DLG2: variants seen among roughly 807,000 people sequenced by gnomAD.
The protein encoded by DLG2 is disks large homolog 2.
In DLG2, 45 loss-of-function variants were observed where a neutral mutation model predicts 132.5. The ratio of observed to expected loss-of-function variants is 0.34; its 90% CI spans 0.27 to 0.44. DLG2 has a LOEUF of 0.44. DLG2 is among the 20% of genes least tolerant of loss of function. The probability of loss-of-function intolerance (pLI) is 1.00; values close to 1 mark genes in which losing one functional copy is unlikely to be tolerated. For missense variants in DLG2, 1,045 were observed against 1,196.9 expected (o/e 0.87, Z 1.87); for synonymous variants, 424 against 419.6 (o/e 1.01, Z -0.13).
At position 83,492,443 on chromosome 11, in the gene DLG2, G is replaced by A. The variant is rs190873786; in HGVS notation, c.2194-8215C>T. ...CCTCTCCCTCCCTCCCCAGCTAGGA[G>A]CCTTCCCTGTCTCCAGCTTGAAACT... is the stretch of plus-strand genomic sequence containing the variant. On this transcript the variant is annotated intron_variant, in intron 21 of 27. Transcript: ENST00000376104. Among the ~76,000 whole-genome samples, 148 of 152,018 alleles carry A rather than the reference G, an allele frequency of 9.7e-4. 1 individual carries two copies. The highest frequency in any genetic ancestry group is 3.4e-3 in the African/African-American group (142 of 41,456).
chr11:83,574,413 T>C (rs1468595873), intron 19 of DLG2, among the ~76,000 whole-genome samples: 2 of 152,206 alleles, frequency 1.3e-5, no homozygotes, highest in African/African-American at 4.8e-5. Flanking sequence ...ATATTGCATA[T>C]AAGACAGTAT....
At chr11:85,130,730 G>A (rs1225746717) in intron 5 of DLG2, among the ~76,000 whole-genome samples, 2 of 152,148 alleles carry the variant, frequency 1.3e-5, no homozygotes, top group African/African-American at 2.4e-5. Context: ...TTTCCAAATT[G>A]TGGGCAAGTT....
chr11:85,544,959 T>C (rs748923613), intron 3 of DLG2, among the ~76,000 whole-genome samples: 4 of 152,240 alleles, frequency 2.6e-5, no homozygotes, highest in Non-Finnish European at 5.9e-5. Context: ...ACTTCCTCTT[T>C]TCCTAATTGA....
chr11:84,330,311 G>A (rs2098452805), intron 7 of DLG2, among the ~76,000 whole-genome samples: 1 of 152,072 alleles, frequency 6.6e-6, no homozygotes, highest in Admixed American at 6.6e-5. Flanking sequence ...CTGCTTCTGG[G>A]CTAGTTGCTA....
chr11:85,318,687 T>C (rs1386694427), intron 3 of DLG2, among the ~76,000 whole-genome samples: 3 of 151,684 alleles, frequency 2.0e-5, no homozygotes, highest in Admixed American at 1.3e-4. Flanking sequence ...AAGAAAGATT[T>C]CTAAGAAAAA....
chr11:85,546,460 T>C (rs1317617261), intron 3 of DLG2, among the ~76,000 whole-genome samples: 1 of 152,218 alleles, frequency 6.6e-6, no homozygotes, highest in Non-Finnish European at 1.5e-5. Context: ...GAGAAGAATG[T>C]ATATTCTGTT....
intron 4 of DLG2, among the ~76,000 whole-genome samples, chr11:85,202,437 T>A (rs2081541070): frequency 6.6e-6 from 1 of 152,068 alleles, no homozygotes. Flanking sequence ...AACTGCGATA[T>A]AATAGCATTA....
intron 6 of DLG2, among the ~76,000 whole-genome samples, chr11:84,657,384 T>C (rs926381706): frequency 6.6e-6 from 1 of 152,112 alleles, no homozygotes; most frequent in Non-Finnish European, 1.5e-5. Context: ...GCCATAGCCA[T>C]GGGACTGGCA....
At chr11:84,576,761 A>T (rs867606420) in intron 6 of DLG2, among the ~76,000 whole-genome samples, 3 of 152,232 alleles carry the variant, frequency 2.0e-5, no homozygotes, top group Non-Finnish European at 4.4e-5. Context: ...TGCAAATGAC[A>T]CAAAGAATCT....
intron 16 of DLG2, among the ~76,000 whole-genome samples, chr11:83,838,619 TG>T (rs2056828202): frequency 2.0e-5 from 3 of 152,206 alleles, no homozygotes; most frequent in African/African-American, 7.2e-5. Context: ...AAAATTTGCA[TG>T]AAATATGGAT....
At chr11:85,359,115 C>G (rs1267825248) in intron 3 of DLG2, among the ~76,000 whole-genome samples, 1 of 152,168 alleles carries the variant, frequency 6.6e-6, no homozygotes, top group Non-Finnish European at 1.5e-5. Flanking sequence ...TGTTATCACA[C>G]GAATAATTTA....
At chr11:85,581,933 G>A (rs1401858701) in intron 3 of DLG2, among the ~76,000 whole-genome samples, 1 of 152,164 alleles carries the variant, frequency 6.6e-6, no homozygotes, top group African/African-American at 2.4e-5. Flanking sequence ...GTACGAAAAT[G>A]TTCCCTGGGA....
intron 17 of DLG2, among the ~76,000 whole-genome samples, chr11:83,817,529 T>A (rs1316348254): frequency 2.0e-5 from 3 of 152,156 alleles, no homozygotes; most frequent in Non-Finnish European, 4.4e-5. Flanking sequence ...GAAAAAAGTA[T>A]GAATGTATGC....
Position 85,359,263 on chromosome 11 carries a change from C to T in DLG2, c.41-73898G>A, listed in dbSNP as rs146119231. Among the ~76,000 whole-genome samples, 5 of 152,250 alleles carry T rather than the reference C, an allele frequency of 3.3e-5. No homozygotes were observed. In the East Asian group the frequency reaches 9.6e-4, roughly 29 times the overall value. On this transcript the variant is annotated intron_variant, in intron 3 of 27. Coordinates refer to ENST00000376104, the MANE Select transcript of DLG2 (RefSeq NM_001142699.3). ...TAGGATTAGATGAATGGAAGCAATC[C>T]GCTTCATTCAACATATGTCTTCACT... is the stretch of plus-strand genomic sequence containing the variant.
At chr11:83,850,162 T>TGTGTGTGTG (rs59045992) in intron 16 of DLG2, among the ~76,000 whole-genome samples, 9,547 of 115,250 alleles carry the variant, frequency 0.083, 443 homozygotes, top group East Asian at 0.15. Flanking sequence ...GTGTGTGTGT[T>TGTGTGTGTG]TTTTTACTTG....
intron 10 of DLG2, among the ~76,000 whole-genome samples, chr11:84,087,704 G>T (rs2097013173): frequency 6.6e-6 from 1 of 152,168 alleles, no homozygotes; most frequent in Non-Finnish European, 1.5e-5. Context: ...TAGGATGATG[G>T]AAGTAAAGGT....
chr11:85,400,972 C>T (rs1274185171), intron 3 of DLG2, among the ~76,000 whole-genome samples: 4 of 150,198 alleles, frequency 2.7e-5, no homozygotes, highest in African/African-American at 9.8e-5. Flanking sequence ...GGAATTCTCC[C>T]AAACTCATTT....
intron 11 of DLG2, among the ~76,000 whole-genome samples, chr11:84,013,819 T>C (rs989310335): frequency 1.4e-5 from 2 of 138,598 alleles, no homozygotes; most frequent in African/African-American, 5.5e-5. Context: ...GTGAGCTGAG[T>C]TTGCACCACT....
intron 6 of DLG2, among the ~76,000 whole-genome samples, chr11:84,742,964 T>C (rs2064879050): frequency 6.6e-6 from 1 of 152,198 alleles, no homozygotes. Flanking sequence ...AATAAAGCTG[T>C]TGTAATTTTT....
Sources: gnomAD v4.1 joint callset for allele counts (sites outside exome capture counted in the v4.1 genomes callset) on GRCh38, gnomAD v4.1.1 for gene constraint, MANE v1.5 for transcripts, NCBI Gene and HGNC (gene_info 2026-07-23, HGNC 2026-07-21) for gene names.